TIGAR: variants seen among roughly 807,000 people sequenced by gnomAD.
The protein encoded by TIGAR is fructose-2,6-bisphosphatase TIGAR.
A neutral mutation model predicts 17.9 loss-of-function variants in TIGAR; 7 were observed. The ratio of observed to expected loss-of-function variants is 0.39; its 90% CI spans 0.22 to 0.73. The LOEUF is 0.73. Among genes scored for constraint, TIGAR ranks in the 30% least tolerant of loss-of-function variants. TIGAR has a pLI of 0.42. For synonymous variants in TIGAR, 94 were observed against 108.6 expected, an observed-to-expected ratio of 0.87 and a Z score of 0.84; for missense variants, 258 against 327.4, an observed-to-expected ratio of 0.79 and a Z score of 1.64.
In TIGAR at chr12:4,357,009, G is replaced by C. The variant is rs1458071539; in HGVS notation, c.*4318G>C. Among the ~76,000 whole-genome samples the C allele has an allele frequency of 3.9e-5, 6 of 152,102 alleles. No homozygotes were observed. Among genetic ancestry groups the C allele is most frequent in the Non-Finnish European group, 7.4e-5 (5 of 68,010 alleles). On this transcript the variant is annotated 3_prime_UTR_variant, in exon 6 of 6. Coordinates refer to ENST00000179259, the MANE Select transcript of TIGAR (RefSeq NM_020375.3). ...TTTATTGCTTTTTAACTAAAAACCT[G>C]TTTTAGTTAGCATCTTTATTCTAAT... is the stretch of plus-strand genomic sequence containing the variant.
chr12:4,350,878 ATGG>A (rs1321466320), intron 4 of TIGAR, among the ~76,000 whole-genome samples: 3 of 152,136 alleles, frequency 2.0e-5, no homozygotes, highest in African/African-American at 7.2e-5. Context: ...TAGCTATTTC[ATGG>A]TGCTGTCATT....
Position 4,349,810 on chromosome 12 carries a change from G to C in TIGAR, c.193-9G>C, listed in dbSNP as rs1228619332. The C allele has an allele frequency of 6.4e-7, 1 of 1,573,866 alleles. No homozygotes were observed. The highest frequency in any genetic ancestry group is 1.2e-5 in the South Asian group (1 of 83,764). On this transcript the variant is annotated splice_polypyrimidine_tract_variant and intron_variant, in intron 3 of 5. Transcript: ENST00000179259. ...TTATAAAGAAAGAAACAATTGTCTT[G>C]ATTTTCAGACCATGCATGGAATTTT...
chr12:4,351,456 G>A (rs994334876), intron 5 of TIGAR, 79 bp downstream of exon 5: 1 of 1,137,810 alleles, frequency 8.8e-7, no homozygotes, highest in African/African-American at 1.5e-5. Flanking sequence ...TAAGCAGTTT[G>A]AAAGTTGCTT....
At chr12:4,350,766 G>T (rs1459870505) in intron 4 of TIGAR, among the ~76,000 whole-genome samples, 1 of 144,934 alleles carries the variant, frequency 6.9e-6, no homozygotes, top group Non-Finnish European at 1.5e-5. Context: ...GACAGAGCGA[G>T]ATTCCGTCTC....
intron 3 of TIGAR, among the ~76,000 whole-genome samples, chr12:4,346,982 T>G (rs1486586584): frequency 1.3e-5 from 2 of 152,188 alleles, no homozygotes; most frequent in Non-Finnish European, 2.9e-5. Context: ...TGTGAAGAAT[T>G]GTTTGGAGGG....
chr12:4,334,185 A>G (rs1440833948), intron 2 of TIGAR, among the ~76,000 whole-genome samples: 1 of 152,152 alleles, frequency 6.6e-6, no homozygotes, highest in African/African-American at 2.4e-5. Flanking sequence ...ACAGAGTATC[A>G]TGGACCCAGT....
rs185379032 is a variant in TIGAR at position 4,342,998 on chromosome 12, C to A, written c.192+5838C>A. Among the ~76,000 whole-genome samples the A allele has an allele frequency of 2.2e-4, 34 of 152,240 alleles. 1 individual carries two copies. Among genetic ancestry groups the A allele is most frequent in the East Asian group, 2.1e-3 (11 of 5,182 alleles). Reference sequence around the variant, plus strand: ...TGCTGTATTCAGGAAATCCGTCTCACATGCAGAGACACACCTAGGCTCAAA... The same window carrying A: ...TGCTGTATTCAGGAAATCCGTCTCAAATGCAGAGACACACCTAGGCTCAAA... On this transcript the variant is annotated intron_variant, in intron 3 of 5. Coordinates refer to ENST00000179259, the MANE Select transcript of TIGAR (RefSeq NM_020375.3).
intron 3 of TIGAR, among the ~76,000 whole-genome samples, chr12:4,343,208 A>G (rs1591663835): frequency 1.3e-5 from 2 of 152,364 alleles, no homozygotes; most frequent in Middle Eastern, 3.4e-3. Flanking sequence ...TATGCACCCA[A>G]TATAGGAGCA....
intron 2 of TIGAR, among the ~76,000 whole-genome samples, chr12:4,334,578 T>C (rs1424111023): frequency 6.6e-6 from 1 of 152,224 alleles, no homozygotes; most frequent in Non-Finnish European, 1.5e-5. Flanking sequence ...TTGCTTGAGG[T>C]AGACATTATT....
At chr12:4,330,609 C>T (rs942425362) in intron 1 of TIGAR, among the ~76,000 whole-genome samples, 2 of 152,204 alleles carry the variant, frequency 1.3e-5, no homozygotes, top group African/African-American at 4.8e-5. Context: ...CCTTTTCCCC[C>T]TCCAGCCTCA....
intron 1 of TIGAR, among the ~76,000 whole-genome samples, chr12:4,327,797 C>T (rs983304440): frequency 6.6e-6 from 1 of 151,328 alleles, no homozygotes; most frequent in African/African-American, 2.4e-5. Context: ...CCTCCCGAGT[C>T]GCTGGGACTA....
At chr12:4,332,345 C>T (rs1468719494) in intron 2 of TIGAR, among the ~76,000 whole-genome samples, 3 of 147,002 alleles carry the variant, frequency 2.0e-5, no homozygotes, top group East Asian at 2.1e-4. Flanking sequence ...CAGGTTCAAG[C>T]GATTTCTCAT....
chr12:4,325,851 G>A lies in TIGAR; in HGVS notation c.32+4548G>A, dbSNP rs545642334. On this transcript the variant is annotated intron_variant, in intron 1 of 5. Transcript: ENST00000179259. Reference sequence around the variant, plus strand: ...AGTGTAAAGGAATTAGGACTAAGCTGTATTCGTGATATCAGGTGAGGGTTT... The same window carrying A: ...AGTGTAAAGGAATTAGGACTAAGCTATATTCGTGATATCAGGTGAGGGTTT... Among the ~76,000 whole-genome samples the A allele has an allele frequency of 4.1e-4, 63 of 152,052 alleles. No homozygotes were observed. In the South Asian group the frequency reaches 0.013, roughly 31 times the overall value.
chr12:4,326,121 C>T (rs1194454233), intron 1 of TIGAR, among the ~76,000 whole-genome samples: 2 of 152,192 alleles, frequency 1.3e-5, no homozygotes, highest in Admixed American at 1.3e-4. Flanking sequence ...AATGGCTGAT[C>T]CTAAGACTTA....
At chr12:4,322,919 A>G (rs1215923156) in intron 1 of TIGAR, among the ~76,000 whole-genome samples, 2 of 152,044 alleles carry the variant, frequency 1.3e-5, no homozygotes, top group African/African-American at 2.4e-5. Context: ...CCTTTCTTCC[A>G]ATGTTAGTGC....
intron 3 of TIGAR, among the ~76,000 whole-genome samples, chr12:4,348,509 A>C (rs1864805357): frequency 6.6e-6 from 1 of 152,230 alleles, no homozygotes; most frequent in African/African-American, 2.4e-5. Flanking sequence ...ATTAACCTAG[A>C]GTTTTATACC....
At chr12:4,331,407 G>C (rs1864602451) in intron 2 of TIGAR, 90 bp downstream of exon 2, 5 of 1,180,544 alleles carry the variant, frequency 4.2e-6, no homozygotes, top group Middle Eastern at 3.8e-4. Context: ...GGGTAGACTG[G>C]GGGCAGCACT....
intron 1 of TIGAR, among the ~76,000 whole-genome samples, chr12:4,322,387 T>C (rs1041357958): frequency 1.3e-5 from 2 of 152,256 alleles, no homozygotes; most frequent in Non-Finnish European, 2.9e-5. Flanking sequence ...TTTCCTGATA[T>C]GCAAATGATA....
intron 3 of TIGAR, among the ~76,000 whole-genome samples, chr12:4,338,615 C>T (rs1380525359): frequency 6.6e-6 from 1 of 152,008 alleles, no homozygotes; most frequent in South Asian, 2.1e-4. Flanking sequence ...TATACCAAAA[C>T]CTGTGGGATA....
Sources: gnomAD v4.1 joint callset for allele counts (sites outside exome capture counted in the v4.1 genomes callset) on GRCh38, gnomAD v4.1.1 for gene constraint, MANE v1.5 for transcripts, NCBI Gene and HGNC (gene_info 2026-07-23, HGNC 2026-07-21) for gene names.